ATP13A4: variants seen among roughly 807,000 people sequenced by gnomAD.
ATP13A4 encodes ATPase 13A4, also known as probable cation-transporting ATPase 13A4.
A neutral mutation model predicts 142.5 loss-of-function variants in ATP13A4; 114 were observed. That is an observed-to-expected ratio of 0.80 (90% CI 0.69 to 0.93). The LOEUF is 0.93. ATP13A4 is among the 40% of genes least tolerant of loss of function. The pLI is 0.00. For synonymous variants in ATP13A4, 488 were observed against 514.8 expected (o/e 0.95, Z 0.70); for missense variants, 1,392 against 1,454.0 (o/e 0.96, Z 0.69).
Position 193,414,569 on chromosome 3 carries a change from A to G in ATP13A4, c.3014+10T>C, listed in dbSNP as rs551893713. 121 of 1,613,296 alleles carry G rather than the reference A, an allele frequency of 7.5e-5. 1 individual carries two copies. In the South Asian group the frequency reaches 1.3e-3, roughly 18 times the overall value. Reference sequence around the variant, plus strand: ...AATGTGAGAAGCAGAAGCTGAGACTATACTCATACCTGTGTATCTCCACGG... The same window carrying G: ...AATGTGAGAAGCAGAAGCTGAGACTGTACTCATACCTGTGTATCTCCACGG... On this transcript the variant is annotated intron_variant, in intron 26 of 29. Transcript: ENST00000342695.
intron 2 of ATP13A4, among the ~76,000 whole-genome samples, chr3:193,577,570 T>C (rs1724423625): frequency 1.3e-5 from 2 of 152,244 alleles, no homozygotes; most frequent in African/African-American, 4.8e-5. Context: ...GTATTTGTAT[T>C]ACACAATGTA....
intron 8 of ATP13A4, 106 bp from the exon 9 acceptor site, chr3:193,471,099 T>G: frequency 1.3e-6 from 2 of 1,503,712 alleles, no homozygotes; most frequent in East Asian, 2.3e-5. Flanking sequence ...AAGACATTTT[T>G]TTTTTAGAAA....
chr3:193,440,353 C>T, intron 21 of ATP13A4: 1 of 960,264 alleles, frequency 1.0e-6, no homozygotes, highest in Non-Finnish European at 1.5e-6. Context: ...TTTTAAGCCC[C>T]ATATAAACAA....
At chr3:193,484,308 T>C (rs2108658959) in intron 7 of ATP13A4, among the ~76,000 whole-genome samples, 1 of 127,150 alleles carries the variant, frequency 7.9e-6, no homozygotes, top group African/African-American at 3.2e-5. Flanking sequence ...AGACTCTGTC[T>C]CAAAATAAAT....
rs374568849 is a variant in ATP13A4 at position 193,436,381 on chromosome 3, T to C, written c.2673-637A>G. On this transcript the variant is annotated intron_variant, in intron 23 of 29. Coordinates refer to ENST00000342695, the MANE Select transcript of ATP13A4 (RefSeq NM_032279.4). ...TTTAAAGCATGAAATAGATGACACATGAAATGTCACTTTTATCTTCTATTT... is the reference window on the plus strand; with the variant it reads ...TTTAAAGCATGAAATAGATGACACACGAAATGTCACTTTTATCTTCTATTT... 3.3e-3 allele frequency among the ~76,000 whole-genome samples: 495 copies of C among 152,306 alleles called. 4 individuals are homozygous for C. Among genetic ancestry groups the C allele is most frequent in the African/African-American group, 0.011 (477 of 41,572 alleles).
rs770130814 is a variant in ATP13A4 at position 193,491,370 on chromosome 3, C to T, written c.562G>A (p.Asp188Asn). 2 of 1,600,484 alleles carry T rather than the reference C, an allele frequency of 1.2e-6. No homozygotes were observed. Among genetic ancestry groups the T allele is most frequent in the Non-Finnish European group, 1.7e-6 (2 of 1,168,070 alleles). Residue 188 changes from aspartate to asparagine, a missense_variant, in exon 6 of 30, where the codon GAT becomes AAT. Physicochemically the swap from Asp to Asn is conservative, Grantham distance 23. Transcript: ENST00000342695. ...RRLICGPNTIDVEVTPIWKLL... is the reference protein window; with the variant it reads ...RRLICGPNTINVEVTPIWKLL... ...TTCCAAATTGGTGTAACTTCAACAT[C>T]GATAGTATTAGGCCCACATATTAAC...
At chr3:193,578,524 G>A (rs886083546) in intron 2 of ATP13A4, among the ~76,000 whole-genome samples, 1 of 152,022 alleles carries the variant, frequency 6.6e-6, no homozygotes, top group Non-Finnish European at 1.5e-5. Flanking sequence ...AACTTGACTG[G>A]ATTAAGAGAC....
At chr3:193,473,296 T>C (rs1718726117) in intron 8 of ATP13A4, among the ~76,000 whole-genome samples, 1 of 151,888 alleles carries the variant, frequency 6.6e-6, no homozygotes, top group Non-Finnish European at 1.5e-5. Flanking sequence ...ACTATAACCA[T>C]CAAATAAAAT....
intron 1 of ATP13A4, among the ~76,000 whole-genome samples, chr3:193,523,018 C>G (rs1377921567): frequency 6.6e-6 from 1 of 151,992 alleles, no homozygotes; most frequent in Non-Finnish European, 1.5e-5. Flanking sequence ...ATGAGCCCCT[C>G]TCAGCCAGGT....
chr3:193,575,551 G>A (rs1368489744), intron 2 of ATP13A4, among the ~76,000 whole-genome samples: 1 of 152,178 alleles, frequency 6.6e-6, no homozygotes, highest in Admixed American at 6.5e-5. Context: ...AGGGAACAGA[G>A]ATCAAGTTTC....
At chr3:193,460,840 A>G (rs9814328) in intron 13 of ATP13A4, among the ~76,000 whole-genome samples, 36,289 of 152,136 alleles carry the variant, frequency 0.24, 4,514 homozygotes, top group African/African-American at 0.28. Flanking sequence ...ATTTCTGGTT[A>G]TCAATCCCTG....
Position 193,412,267 on chromosome 3 carries a change from G to A in ATP13A4, c.3119C>T (p.Thr1040Ile), listed in dbSNP as rs1427073625. 1 of 1,613,368 alleles carries A rather than the reference G, an allele frequency of 6.2e-7. No homozygotes were observed. The highest frequency in any genetic ancestry group is 1.1e-5 in the South Asian group (1 of 91,062). ...NSTFTSFENTTVWFLGTINCI... is the reference protein window; with the variant it reads ...NSTFTSFENTIVWFLGTINCI... ...GTTGATTGTTCCCAAGAACCAGACTGTAGTGTTCTCAAAACTTGTGAAGGT... is the reference window on the plus strand; with the variant it reads ...GTTGATTGTTCCCAAGAACCAGACTATAGTGTTCTCAAAACTTGTGAAGGT... The change falls in exon 27 of 30, where the codon ACA becomes ATA. Residue 1040 changes from threonine (T) to isoleucine (I), a missense_variant. Thr to Ile is a moderately conservative substitution (Grantham distance 89). Transcript: ENST00000342695.
intron 18 of ATP13A4, among the ~76,000 whole-genome samples, chr3:193,446,099 G>C (rs1038354936): frequency 1.3e-5 from 2 of 152,172 alleles, no homozygotes; most frequent in Non-Finnish European, 2.9e-5. Flanking sequence ...GGAGTTCAAG[G>C]CTGAAGTGAG....
At chr3:193,452,415 C>T (rs1319061705) in intron 17 of ATP13A4, among the ~76,000 whole-genome samples, 1 of 152,000 alleles carries the variant, frequency 6.6e-6, no homozygotes, top group Non-Finnish European at 1.5e-5. Context: ...TGAAACTGGA[C>T]CCCCAGGAAG....
chr3:193,551,459 G>A (rs1723559170), intron 1 of ATP13A4, among the ~76,000 whole-genome samples: 1 of 152,090 alleles, frequency 6.6e-6, no homozygotes, highest in Admixed American at 6.5e-5. Context: ...ATAACTGAAT[G>A]GCAAGAGATG....
At chr3:193,549,133 G>A (rs1386902472) in intron 1 of ATP13A4, among the ~76,000 whole-genome samples, 4 of 152,130 alleles carry the variant, frequency 2.6e-5, no homozygotes, top group African/African-American at 9.7e-5. Context: ...GCTAATCCGA[G>A]TATACATTGG....
chr3:193,532,911 G>A (rs1044224224), intron 1 of ATP13A4, among the ~76,000 whole-genome samples: 4 of 152,088 alleles, frequency 2.6e-5, no homozygotes, highest in African/African-American at 2.4e-5. Flanking sequence ...AGGAAATACT[G>A]TGTCAAGATG....
intron 10 of ATP13A4, among the ~76,000 whole-genome samples, chr3:193,466,528 T>A (rs1323754881): frequency 2.0e-5 from 3 of 152,238 alleles, no homozygotes; most frequent in Admixed American, 6.5e-5. Context: ...GAATTGAAAT[T>A]AAGTGGTCCA....
At chr3:193,539,854 T>C (rs1277952887) in intron 1 of ATP13A4, among the ~76,000 whole-genome samples, 2 of 152,218 alleles carry the variant, frequency 1.3e-5, no homozygotes, top group African/African-American at 2.4e-5. Context: ...TATTTGCATA[T>C]TCTTTTGCTA....
Sources: gnomAD v4.1 joint callset for allele counts (sites outside exome capture counted in the v4.1 genomes callset) on GRCh38, gnomAD v4.1.1 for gene constraint, MANE v1.5 for transcripts, NCBI Gene and HGNC (gene_info 2026-07-23, HGNC 2026-07-21) for gene names.